Variants in SLC13A3 observed in about 807,000 individuals in gnomAD.
SLC13A3 encodes solute carrier family 13 member 3.
Under a neutral mutation model 59.0 loss-of-function variants are expected in SLC13A3, and 40 were observed. That is an observed-to-expected ratio of 0.68 (90% CI 0.53 to 0.88). The LOEUF is 0.88. Among genes scored for constraint, SLC13A3 ranks in the 40% least tolerant of loss-of-function variants. The probability of loss-of-function intolerance (pLI) is 0.00; values close to 1 mark genes in which losing one functional copy is unlikely to be tolerated. For missense variants in SLC13A3, 699 were observed against 783.2 expected, an observed-to-expected ratio of 0.89 and a Z score of 1.28; for synonymous variants, 317 against 330.3, an observed-to-expected ratio of 0.96 and a Z score of 0.44.
At chr20:46,566,170 A>C in intron 11 of SLC13A3, 59 bp downstream of exon 11, 1 of 1,448,692 alleles carries the variant, frequency 6.9e-7, no homozygotes, top group Non-Finnish European at 9.7e-7. Flanking sequence ...TGGCGGGGGA[A>C]GATTTCTGAA....
chr20:46,589,044 C>G (rs114063564), intron 7 of SLC13A3, 116 bp downstream of exon 7: 1 of 850,138 alleles, frequency 1.2e-6, no homozygotes, highest in Non-Finnish European at 1.9e-6. Context: ...TCCCACGCCA[C>G]GGGTCCTGGA....
intron 5 of SLC13A3, among the ~76,000 whole-genome samples, chr20:46,595,003 C>T (rs528132131): frequency 3.8e-4 from 58 of 152,324 alleles, no homozygotes; most frequent in African/African-American, 1.4e-3. Context: ...TCCCTTTATT[C>T]ATCCCCACAG....
At chr20:46,594,762 G>T (rs1351458621) in intron 5 of SLC13A3, among the ~76,000 whole-genome samples, 9 of 150,254 alleles carry the variant, frequency 6.0e-5, no homozygotes, top group Non-Finnish European at 7.4e-5. Flanking sequence ...CTCTCCCAGT[G>T]CATGGTTGAC....
upstream of SLC13A3, among the ~76,000 whole-genome samples, chr20:46,651,704 T>A (rs1168245821): frequency 6.6e-6 from 1 of 152,230 alleles, no homozygotes; most frequent in African/African-American, 2.4e-5. Context: ...CTGGGGCAGC[T>A]GGCTTATCCT....
chr20:46,591,229 C>A (rs2062253906), intron 6 of SLC13A3, among the ~76,000 whole-genome samples: 1 of 151,976 alleles, frequency 6.6e-6, no homozygotes, highest in Admixed American at 6.6e-5. Flanking sequence ...GGAGGCCAGT[C>A]ACTAGAAAAA....
upstream of SLC13A3, among the ~76,000 whole-genome samples, chr20:46,674,163 C>T (rs2063108734): frequency 6.6e-6 from 1 of 152,186 alleles, no homozygotes; most frequent in Non-Finnish European, 1.5e-5. Context: ...CCTCCACCTC[C>T]GCACCCTGAC....
At chr20:46,596,883 T>C (rs1367009279) in intron 4 of SLC13A3, among the ~76,000 whole-genome samples, 1 of 152,118 alleles carries the variant, frequency 6.6e-6, no homozygotes, top group African/African-American at 2.4e-5. Flanking sequence ...AGATCCCATC[T>C]CTATAAAAAA....
chr20:46,652,303 C>T (rs1317144277), upstream of SLC13A3, among the ~76,000 whole-genome samples: 1 of 152,208 alleles, frequency 6.6e-6, no homozygotes, highest in African/African-American at 2.4e-5. Context: ...AATGAGATAA[C>T]ACATGTAATG....
chr20:46,668,280 T>C (rs1348366658), intron 1 of SLC13A3, among the ~76,000 whole-genome samples: 6 of 152,124 alleles, frequency 3.9e-5, no homozygotes, highest in Non-Finnish European at 8.8e-5. Flanking sequence ...AGCCAACTTG[T>C]GAGTGTAAAG....
chr20:46,684,186 C>T (rs535794265), intron 1 of SLC13A3, among the ~76,000 whole-genome samples: 10 of 152,298 alleles, frequency 6.6e-5, no homozygotes, highest in African/African-American at 2.4e-4. Context: ...CTCTCTTCAT[C>T]TCCTGTGTTT....
At chr20:46,630,444 C>T (rs549922405) in intron 1 of SLC13A3, among the ~76,000 whole-genome samples, 2 of 152,352 alleles carry the variant, frequency 1.3e-5, no homozygotes, top group East Asian at 1.9e-4. Flanking sequence ...CACTTCAGAA[C>T]TCCTCGTCCT....
intron 10 of SLC13A3, among the ~76,000 whole-genome samples, chr20:46,567,810 G>A (rs1316579836): frequency 2.6e-5 from 4 of 152,006 alleles, no homozygotes; most frequent in South Asian, 4.2e-4. Flanking sequence ...ACCACAAAAC[G>A]GCAAAGCTGA....
chr20:46,659,272 T>C (rs1216023632), intron 1 of SLC13A3, among the ~76,000 whole-genome samples: 2 of 152,252 alleles, frequency 1.3e-5, no homozygotes, highest in African/African-American at 2.4e-5. Context: ...ATCAACTGAT[T>C]ATATTTTGGT....
intron 8 of SLC13A3, 132 bp from the exon 9 acceptor site, chr20:46,583,801 A>T: frequency 6.7e-7 from 1 of 1,485,360 alleles, no homozygotes; most frequent in East Asian, 2.5e-5. Context: ...AGGCTGGGCC[A>T]CTGGATTCTG....
At chr20:46,634,746 T>G (rs1453866323) in intron 1 of SLC13A3, among the ~76,000 whole-genome samples, 1 of 152,200 alleles carries the variant, frequency 6.6e-6, no homozygotes, top group African/African-American at 2.4e-5. Context: ...TCACTCAGCC[T>G]GAGGAGGGTA....
intron 1 of SLC13A3, among the ~76,000 whole-genome samples, chr20:46,668,405 T>C (rs1389046964): frequency 6.6e-6 from 1 of 152,098 alleles, no homozygotes; most frequent in Non-Finnish European, 1.5e-5. Context: ...ACATAGAAGA[T>C]CAAACCAGCC....
At chr20:46,583,001 C>G (rs541428739) in intron 9 of SLC13A3, 1 of 985,986 alleles carries the variant, frequency 1.0e-6, no homozygotes, top group Non-Finnish European at 1.2e-6. Context: ...ACTTCCTATA[C>G]GGTTGAAACC....
At chr20:46,615,123 T>C (rs1266570212) in intron 1 of SLC13A3, among the ~76,000 whole-genome samples, 2 of 152,212 alleles carry the variant, frequency 1.3e-5, no homozygotes, top group Non-Finnish European at 2.9e-5. Flanking sequence ...CTTAATGTCC[T>C]ATTATTTGCA....
intron 9 of SLC13A3, among the ~76,000 whole-genome samples, chr20:46,579,954 T>A (rs1232795364): frequency 6.6e-6 from 1 of 152,058 alleles, no homozygotes; most frequent in Non-Finnish European, 1.5e-5. Context: ...GCCACGAGAC[T>A]GAGGCACTCA....
Sources: gnomAD v4.1 joint callset for allele counts (sites outside exome capture counted in the v4.1 genomes callset) on GRCh38, gnomAD v4.1.1 for gene constraint, MANE v1.5 for transcripts, NCBI Gene and HGNC (gene_info 2026-07-23, HGNC 2026-07-21) for gene names.